Variants in GALNT18 observed in about 807,000 individuals in gnomAD.
GALNT18 encodes GalNAc-transferase 18.
Under a neutral mutation model 69.5 loss-of-function variants are expected in GALNT18, and 44 were observed. The observed-to-expected ratio is 0.63, with a 90% CI of 0.50 to 0.81. GALNT18 has a LOEUF of 0.81. GALNT18 is among the 40% of genes least tolerant of loss of function. The pLI is 0.00. For missense variants in GALNT18, 715 were observed against 810.0 expected (o/e 0.88, Z 1.42); for synonymous variants, 364 against 318.2 (o/e 1.14, Z -1.53).
At position 11,361,056 on chromosome 11, in the gene GALNT18, T is replaced by C. The variant is rs559825713; in HGVS notation, c.1092+11459A>G. Among the ~76,000 whole-genome samples the C allele has an allele frequency of 2.3e-3, 355 of 152,250 alleles. 1 individual carries two copies. The highest frequency in any genetic ancestry group is 7.8e-3 in the African/African-American group (322 of 41,546). On this transcript the variant is annotated intron_variant, in intron 6 of 10. Coordinates refer to ENST00000227756, the MANE Select transcript of GALNT18 (RefSeq NM_198516.3). ...CAATCTGAGATGAGTACTCAGAACA[T>C]GGTAAGGTGGTTGTCTCTCCAGCTA... is the stretch of plus-strand genomic sequence containing the variant.
At chr11:11,291,178 T>C (rs548129203) in intron 10 of GALNT18, among the ~76,000 whole-genome samples, 3 of 152,176 alleles carry the variant, frequency 2.0e-5, no homozygotes, top group African/African-American at 7.2e-5. Flanking sequence ...AAGTCAGCAG[T>C]AGCTCCCAGC....
Position 11,432,550 on chromosome 11 carries a change from C to T in GALNT18, c.595+71G>A, listed in dbSNP as rs543599687. On this transcript the variant is annotated intron_variant, in intron 3 of 10. Transcript: ENST00000227756. This position sits in a 1 kb window ranked among gnomAD's most constrained non-coding sequence, Gnocchi z 5.8. ...GACAGCCTTGAGCAAATGTGAACCA[C>T]GACGCTGAACCATCAGCTTAGATGT... is the stretch of plus-strand genomic sequence containing the variant. 47 of 1,466,250 alleles carry T rather than the reference C, an allele frequency of 3.2e-5. No homozygotes were observed. The highest frequency in any genetic ancestry group is 1.8e-4 in the Middle Eastern group (1 of 5,692). The allele number at this position is 1,466,250 out of a possible 1,614,324, so 90.8% of individuals were successfully genotyped here. A position where few individuals can be genotyped will look rare whatever the true frequency, so the allele number is the denominator to read the frequency against.
chr11:11,275,082 A>G (rs1400985372), intron 10 of GALNT18, among the ~76,000 whole-genome samples: 1 of 152,234 alleles, frequency 6.6e-6, no homozygotes, highest in Non-Finnish European at 1.5e-5. Context: ...GCTAGGTCAA[A>G]TAGTATTTCT....
At chr11:11,526,037 G>A (rs560034197) in intron 1 of GALNT18, among the ~76,000 whole-genome samples, 1 of 152,176 alleles carries the variant, frequency 6.6e-6, no homozygotes, top group Non-Finnish European at 1.5e-5. Context: ...GTGGGGGAAA[G>A]GTATGAGAAA....
chr11:11,538,641 G>A lies in GALNT18; in HGVS notation c.235+82718C>T, dbSNP rs1040177676. ...GGATGAAGCACAGGCTGACCTGATA[G>A]TGAGTCCTCCCTTCCTAGAGGTGCC... On this transcript the variant is annotated intron_variant, in intron 1 of 10. Transcript: ENST00000227756. The surrounding 1 kb of genome is among the most constrained non-coding windows in gnomAD (Gnocchi z 5.2). 5.3e-5 allele frequency among the ~76,000 whole-genome samples: 8 copies of A among 152,196 alleles called. No individual in the cohort carries two copies. Among genetic ancestry groups the A allele is most frequent in the Non-Finnish European group, 8.8e-5 (6 of 68,038 alleles).
At chr11:11,427,168 G>A (rs1344352895) in intron 3 of GALNT18, among the ~76,000 whole-genome samples, 1 of 152,172 alleles carries the variant, frequency 6.6e-6, no homozygotes, top group Non-Finnish European at 1.5e-5. Context: ...GCCAGCCCCT[G>A]AAAAAGTGGA....
chr11:11,376,058 G>A (rs981228800), intron 5 of GALNT18, among the ~76,000 whole-genome samples: 1 of 152,102 alleles, frequency 6.6e-6, no homozygotes, highest in African/African-American at 2.4e-5. Context: ...ACTTCGCAGG[G>A]AACATAAAGA....
chr11:11,345,712 C>T lies in GALNT18; in HGVS notation c.1093-4708G>A, dbSNP rs533257701. ...GTGGGTACAGGGATGGCTTGGCATC[C>T]TGAGCTCTCGTAGACAGAGATGCCT... On this transcript the variant is annotated intron_variant, in intron 6 of 10. Transcript: ENST00000227756. Among the ~76,000 whole-genome samples, 19 of 152,228 alleles carry T rather than the reference C, an allele frequency of 1.2e-4. No homozygotes were observed. The East Asian group carries it at 3.3e-3, about 26-fold the overall frequency.
At chr11:11,473,730 C>T (rs1461858762) in intron 1 of GALNT18, among the ~76,000 whole-genome samples, 1 of 152,170 alleles carries the variant, frequency 6.6e-6, no homozygotes. Flanking sequence ...AACTGAACAC[C>T]TATTGCATGT....
chr11:11,518,472 G>C (rs1857328539), intron 1 of GALNT18, among the ~76,000 whole-genome samples: 1 of 152,180 alleles, frequency 6.6e-6, no homozygotes, highest in Non-Finnish European at 1.5e-5. Context: ...CCAGTGCTCT[G>C]AATCCTTCCT....
rs1859634106 is a variant in GALNT18 at position 11,601,501 on chromosome 11, C to A, written c.235+19858G>T. ...CCCTGTTACATTTCTGGCTGGACTG[C>A]CCGATTGGTTTCACCTCCAGCTGTT... On this transcript the variant is annotated intron_variant, in intron 1 of 10. Transcript: ENST00000227756. The surrounding 1 kb of genome is among the most constrained non-coding windows in gnomAD (Gnocchi z 4.0). Among the ~76,000 whole-genome samples the A allele has an allele frequency of 6.6e-6, 1 of 152,228 alleles. No homozygotes were observed. Among genetic ancestry groups the A allele is most frequent in the Non-Finnish European group, 1.5e-5 (1 of 68,034 alleles).
intron 10 of GALNT18, among the ~76,000 whole-genome samples, chr11:11,274,766 G>A (rs1848904538): frequency 6.6e-6 from 1 of 152,046 alleles, no homozygotes; most frequent in Admixed American, 6.5e-5. Context: ...TGTTCTCATT[G>A]TCCAACTCCC....
rs560681694 is a variant in GALNT18, at chr11:11,318,615, C to T, written c.1512+8471G>A. On this transcript the variant is annotated intron_variant, in intron 9 of 10. Coordinates refer to ENST00000227756, the MANE Select transcript of GALNT18 (RefSeq NM_198516.3). The surrounding 1 kb of genome is among the most constrained non-coding windows in gnomAD (Gnocchi z 5.1). ...TCTCGCAGCTTGTGGTACTTTGTTACGGAAGCCCTGGGAAACTTCTGCAGG... is the reference window on the plus strand; with the variant it reads ...TCTCGCAGCTTGTGGTACTTTGTTATGGAAGCCCTGGGAAACTTCTGCAGG... Among the ~76,000 whole-genome samples, 13 of 152,236 alleles carry T rather than the reference C, an allele frequency of 8.5e-5. No individual in the cohort carries two copies. The highest frequency in any genetic ancestry group is 5.2e-4 in the Admixed American group (8 of 15,296).
intron 8 of GALNT18, among the ~76,000 whole-genome samples, 197 bp from the exon 9 acceptor site, chr11:11,327,378 G>A (rs1216201421): frequency 1.3e-5 from 2 of 152,234 alleles, no homozygotes; most frequent in African/African-American, 4.8e-5. Context: ...AGCCTCCTTT[G>A]CAGGAGAAAC....
chr11:11,610,687 C>A (rs1009013383), intron 1 of GALNT18, among the ~76,000 whole-genome samples: 3 of 152,186 alleles, frequency 2.0e-5, no homozygotes, highest in Non-Finnish European at 4.4e-5. Context: ...TCATAATTCC[C>A]ACGTTATACC....
chr11:11,428,195 G>C (rs1275430378), intron 3 of GALNT18, among the ~76,000 whole-genome samples: 1 of 152,202 alleles, frequency 6.6e-6, no homozygotes, highest in African/African-American at 2.4e-5. Flanking sequence ...GTCTGCACAG[G>C]GTCTGGCCAT....
At chr11:11,307,420 A>C (rs138751444) in intron 9 of GALNT18, among the ~76,000 whole-genome samples, 269 of 152,340 alleles carry the variant, frequency 1.8e-3, no homozygotes, top group African/African-American at 6.0e-3. Flanking sequence ...TACTTATTTA[A>C]ATAACCCTGG....
chr11:11,611,746 ACAAT>A (rs1859907348), intron 1 of GALNT18, among the ~76,000 whole-genome samples: 1 of 152,204 alleles, frequency 6.6e-6, no homozygotes, highest in Non-Finnish European at 1.5e-5. Flanking sequence ...CTCAGAAGTC[ACAAT>A]GAATCTGAAA....
In GALNT18 at chr11:11,372,454, C is replaced by G; in HGVS notation, c.1092+61G>C. The stretch of plus-strand genomic sequence containing the variant: ...AACCTTAAACCCCATTTCTCCACCC[C>G]CAGACTCATTCACCCTGGTGGGAGC... On this transcript the variant is annotated intron_variant, in intron 6 of 10. Transcript: ENST00000227756. The surrounding 1 kb of genome is among the most constrained non-coding windows in gnomAD (Gnocchi z 4.9). 1 of 1,312,598 alleles carries G rather than the reference C, an allele frequency of 7.6e-7. No homozygotes were observed. The highest frequency in any genetic ancestry group is 1.7e-5 in the Admixed American group (1 of 59,492). The allele number at this position is 1,312,598 out of a possible 1,614,324, so 81.3% of individuals were successfully genotyped here.
Sources: allele counts gnomAD v4.1 joint callset (sites outside exome capture counted in the v4.1 genomes callset), GRCh38; gene constraint gnomAD v4.1.1; non-coding constraint Gnocchi (gnomAD v3.1); transcripts MANE v1.5; gene names NCBI Gene and HGNC (gene_info 2026-07-23, HGNC 2026-07-21).